Variants in SYDE2 observed in about 807,000 individuals in gnomAD.
The protein encoded by SYDE2 is rho GTPase-activating protein SYDE2.
A neutral mutation model predicts 91.5 loss-of-function variants in SYDE2; 76 were observed. The observed-to-expected ratio is 0.83, with a 90% confidence interval of 0.69 to 1.01. The LOEUF is 1.01. Ranked by LOEUF, SYDE2 falls within the 50% of genes least tolerant of loss-of-function variation. SYDE2 has a pLI of 0.00. For synonymous variants in SYDE2, 513 were observed against 506.4 expected, an observed-to-expected ratio of 1.01 and a Z score of -0.18; for missense variants, 1,364 against 1,367.7, an observed-to-expected ratio of 1.00 and a Z score of 0.04.
intron 6 of SYDE2, 69 bp downstream of exon 6, chr1:85,164,457 T>C: frequency 3.6e-6 from 4 of 1,115,482 alleles, no homozygotes; most frequent in Non-Finnish European, 4.9e-6. Flanking sequence ...TATATGAGCA[T>C]ATTTAATGAT....
chr1:85,186,127 T>C lies in SYDE2; in HGVS notation c.1442-2927A>G, dbSNP rs1658129713. Among the ~76,000 whole-genome samples, 2 of 152,272 alleles carry C rather than the reference T, an allele frequency of 1.3e-5. 1 individual carries two copies. Among genetic ancestry groups the C allele is most frequent in the South Asian group, 4.2e-4 (2 of 4,798 alleles). On this transcript the variant is annotated intron_variant, in intron 2 of 6. Transcript: ENST00000341460. ...TGATTTGCGTATATTGAACCAGCCT[T>C]GCATCCCAGGGATGAAGCCCACTTG...
At chr1:85,165,445 C>T (rs1657231484) in intron 5 of SYDE2, among the ~76,000 whole-genome samples, 1 of 152,094 alleles carries the variant, frequency 6.6e-6, no homozygotes, top group Non-Finnish European at 1.5e-5. Flanking sequence ...CAGATAAGTC[C>T]TGTAGTTGTA....
Position 85,194,898 on chromosome 1 carries a change from C to A in SYDE2, c.746-4146G>T, listed in dbSNP as rs1020540714. 7 of 914,194 alleles carry A rather than the reference C, an allele frequency of 7.7e-6. No homozygotes were observed. The Admixed American group carries it at 1.9e-4, about 24-fold the overall frequency. The allele number at this position is 914,194 out of a possible 1,614,324, so 56.6% of individuals were successfully genotyped here. A position where few individuals can be genotyped will look rare whatever the true frequency, so the allele number is the denominator to read the frequency against. On this transcript the variant is annotated intron_variant, in intron 1 of 6. Coordinates refer to ENST00000341460, the MANE Select transcript of SYDE2 (RefSeq NM_032184.2). ...AGTACCGGCTGGGCGCGGTGGCTCA[C>A]GCCTGTAATCCCAGCACTTTGGGAG... is the stretch of plus-strand genomic sequence containing the variant.
Position 85,157,908 on chromosome 1 carries a change from TTAAA to T in SYDE2, c.*838_*841del, listed in dbSNP as rs972169057. 7.2e-5 allele frequency: 11 copies of T among 152,216 alleles called. No homozygotes were observed. The highest frequency in any genetic ancestry group is 2.1e-4 in the South Asian group (1 of 4,834). The allele number at this position is 152,216 out of a possible 1,614,324, so 9.4% of individuals were successfully genotyped here. The stretch of plus-strand genomic sequence containing the variant: ...ATAAAAATATTTAATTTTTATAAGC[TTAAA>T]TAATTACTGTTAATACAGAAAACAT... On this transcript the variant is annotated 3_prime_UTR_variant, in exon 7 of 7. Transcript: ENST00000341460.
chr1:85,184,320 TAC>T (rs67901243), intron 2 of SYDE2, among the ~76,000 whole-genome samples: 5,295 of 152,146 alleles, frequency 0.035, 315 homozygotes, highest in African/African-American at 0.12. Context: ...CAATAATAAT[TAC>T]CAGGCATAAA....
intron 1 of SYDE2, among the ~76,000 whole-genome samples, chr1:85,193,368 T>C (rs888522890): frequency 6.6e-6 from 1 of 152,250 alleles, no homozygotes; most frequent in Non-Finnish European, 1.5e-5. Flanking sequence ...ACATTACTCA[T>C]GATGGCTATG....
chr1:85,200,355 G>A lies in SYDE2; in HGVS notation c.642C>T (p.Pro214=), dbSNP rs1345056785. The A allele has an allele frequency of 6.2e-7, 1 of 1,614,014 alleles. No homozygotes were observed. The highest frequency in any genetic ancestry group is 1.6e-4 in the Middle Eastern group (1 of 6,062). Residue 214 remains proline (P), a synonymous_variant, in exon 1 of 7, where the codon CCC becomes CCT. Transcript: ENST00000341460. ...GMKGRARGTA[P]KVTGTQAASP... ...AGGCTGCCTGCGTTCCTGTGACTTT[G>A]GGAGCCGTCCCACGGGCACGACCCT...
intron 2 of SYDE2, among the ~76,000 whole-genome samples, chr1:85,188,877 T>A (rs1044104775): frequency 6.6e-6 from 1 of 152,150 alleles, no homozygotes; most frequent in Non-Finnish European, 1.5e-5. Context: ...CCAGGGGATA[T>A]AAGACAAAGC....
chr1:85,157,024 G>C lies in SYDE2; in HGVS notation c.*1726C>G, dbSNP rs1179565656. 6.6e-6 allele frequency: 1 copy of C among 151,740 alleles called. No individual in the cohort carries two copies. Among genetic ancestry groups the C allele is most frequent in the Admixed American group, 6.6e-5 (1 of 15,244 alleles). The allele number at this position is 151,740 out of a possible 1,614,324, so 9.4% of individuals were successfully genotyped here. A position where few individuals can be genotyped will look rare whatever the true frequency, so the allele number is the denominator to read the frequency against. On this transcript the variant is annotated 3_prime_UTR_variant, in exon 7 of 7. Transcript: ENST00000341460. ...TTTACTCAATATATATGTTCTCTTG[G>C]TATTCTTCTGAATTGTTAACACAAA...
At chr1:85,164,142 G>T (rs1390929078) in intron 6 of SYDE2, among the ~76,000 whole-genome samples, 1 of 152,106 alleles carries the variant, frequency 6.6e-6, no homozygotes, top group Admixed American at 6.5e-5. Flanking sequence ...GCTACACTGA[G>T]CACATTACAT....
At position 85,178,516 on chromosome 1, in the gene SYDE2, C is replaced by T. The variant is rs866615361; in HGVS notation, c.2545-244G>A. Among the ~76,000 whole-genome samples the T allele has an allele frequency of 4.6e-5, 7 of 152,214 alleles. No homozygotes were observed. In the South Asian group the frequency reaches 1.5e-3, roughly 32 times the overall value. On this transcript the variant is annotated intron_variant, in intron 3 of 6. Transcript: ENST00000341460. ...GGTAATGCTGGCTACCTATCTTAAG[C>T]AAAACACAATCCCTTCTTTTCAGTT...
At chr1:85,183,225 G>C (rs138233707) in intron 2 of SYDE2, 25 bp from the exon 3 acceptor site, 1 of 1,497,846 alleles carries the variant, frequency 6.7e-7, no homozygotes, top group East Asian at 2.3e-5. Context: ...AGAAAAATAC[G>C]TTATAAAGCA....
chr1:85,183,410 T>C (rs1211159473), intron 2 of SYDE2, among the ~76,000 whole-genome samples: 2 of 152,110 alleles, frequency 1.3e-5, no homozygotes. Context: ...ATTTAAAATT[T>C]AATTTAATTT....
chr1:85,198,966 C>A (rs1658705450), intron 1 of SYDE2, among the ~76,000 whole-genome samples: 1 of 152,122 alleles, frequency 6.6e-6, no homozygotes, highest in Non-Finnish European at 1.5e-5. Flanking sequence ...GAATATTTAA[C>A]CTTGAGAATA....
In SYDE2 at chr1:85,159,262, A is replaced by G. The variant is rs1316397262; in HGVS notation, c.3086-13T>C. 2.6e-6 allele frequency: 2 copies of G among 774,260 alleles called. No individual in the cohort carries two copies. The highest frequency in any genetic ancestry group is 4.8e-6 in the Non-Finnish European group (2 of 416,940). 48.0% of individuals were successfully genotyped at this position (774,260 alleles called of 1,614,324 possible). ...GTTAAACGCTGCACTAGAAACAAAC[A>G]ATAATTTTGCTTTAGTGACAGTAAT... On this transcript the variant is annotated splice_polypyrimidine_tract_variant and intron_variant, in intron 6 of 6. Transcript: ENST00000341460.
rs776209083 is a variant in SYDE2, at chr1:85,158,899, A to G, written c.3436T>C (p.Cys1146Arg). The change falls in exon 7 of 7, where the codon TGT becomes CGT. Residue 1146 changes from cysteine to arginine, a missense_variant. By Grantham distance (180) the Cys-to-Arg change is radical. Transcript: ENST00000341460. ...IEQPIPMSKE[C>R]TFQTYLTMQT... ...ATTGTCAAATATGTCTGAAATGTAC[A>G]CTCTTTGGACATGGGAATTGGCTGT... The G allele has an allele frequency of 6.4e-6, 5 of 780,118 alleles. No homozygotes were observed. Among genetic ancestry groups the G allele is most frequent in the African/African-American group, 1.7e-5 (1 of 59,030 alleles). The allele number at this position is 780,118 out of a possible 1,614,324, so 48.3% of individuals were successfully genotyped here. A position where few individuals can be genotyped will look rare whatever the true frequency, so the allele number is the denominator to read the frequency against.
chr1:85,170,114 C>CTATACGAAGCTTCCCATCTCT (rs1657449888), intron 4 of SYDE2, among the ~76,000 whole-genome samples: 1 of 131,272 alleles, frequency 7.6e-6, no homozygotes, highest in Non-Finnish European at 1.6e-5. Flanking sequence ...CTTCCCATCT[C>CTATACGAAGCTTCCCATCTCT]TTTTTTTTTT....
At chr1:85,189,907 AC>A (rs1392878751) in intron 2 of SYDE2, 149 bp downstream of exon 2, 2 of 654,752 alleles carry the variant, frequency 3.1e-6, no homozygotes, top group African/African-American at 3.7e-5. Context: ...TGTTTATAAA[AC>A]TTTTTGAGTT....
At chr1:85,165,049 A>G (rs1467504050) in intron 5 of SYDE2, among the ~76,000 whole-genome samples, 1 of 152,108 alleles carries the variant, frequency 6.6e-6, no homozygotes, top group East Asian at 1.9e-4. Context: ...AGCCTGGCCA[A>G]CATGGTGAAA....
Sources: allele counts gnomAD v4.1 joint callset (sites outside exome capture counted in the v4.1 genomes callset), GRCh38; gene constraint gnomAD v4.1.1; transcripts MANE v1.5; gene names NCBI Gene and HGNC (gene_info 2026-07-23, HGNC 2026-07-21).